Variants in HS6ST3 observed in about 807,000 individuals in gnomAD.
The protein encoded by HS6ST3 is heparan sulfate 6-O-sulfotransferase 3, also known as heparan-sulfate 6-O-sulfotransferase 3.
In HS6ST3, 12 loss-of-function variants were observed where a neutral mutation model predicts 36.7. The observed-to-expected ratio is 0.33, with a 90% confidence interval of 0.21 to 0.53. The LOEUF is 0.53. Ranked by LOEUF, HS6ST3 falls within the 20% of genes least tolerant of loss-of-function variation. The pLI is 0.95. For synonymous variants in HS6ST3, 240 were observed against 257.5 expected, an observed-to-expected ratio of 0.93 and a Z score of 0.65; for missense variants, 584 against 640.9, an observed-to-expected ratio of 0.91 and a Z score of 0.96.
At position 96,235,981 on chromosome 13, in the gene HS6ST3, G is replaced by A. The variant is rs993727609; in HGVS notation, c.707+144412G>A. Among the ~76,000 whole-genome samples the A allele has an allele frequency of 6.6e-5, 10 of 152,286 alleles. No homozygotes were observed. In the East Asian group the frequency reaches 7.7e-4, roughly 12 times the overall value. ...CCAAGCCCCAAAACCTCAGAAGTAC[G>A]GAAGCCAACAGTGCAGCCTTCAGCC... On this transcript the variant is annotated intron_variant, in intron 1 of 1. Coordinates refer to ENST00000376705, the MANE Select transcript of HS6ST3 (RefSeq NM_153456.4).
chr13:96,809,355 T>C (rs1878266939), intron 1 of HS6ST3, among the ~76,000 whole-genome samples: 1 of 152,214 alleles, frequency 6.6e-6, no homozygotes, highest in African/African-American at 2.4e-5. Flanking sequence ...AGAACATTCT[T>C]ATGGATGAAT....
intron 1 of HS6ST3, among the ~76,000 whole-genome samples, chr13:96,654,173 A>G (rs2056616881): frequency 6.6e-6 from 1 of 152,080 alleles, no homozygotes; most frequent in South Asian, 2.1e-4. Context: ...GTTCACTCTG[A>G]TGATAGTTTC....
intron 1 of HS6ST3, among the ~76,000 whole-genome samples, chr13:96,143,921 CA>C: frequency 6.6e-6 from 1 of 152,090 alleles, no homozygotes; most frequent in Non-Finnish European, 1.5e-5. Flanking sequence ...ATGTTTTGCC[CA>C]AAAGCTGTTA....
chr13:96,332,815 G>C (rs1477170907), intron 1 of HS6ST3, among the ~76,000 whole-genome samples: 2 of 152,174 alleles, frequency 1.3e-5, no homozygotes, highest in African/African-American at 4.8e-5. Flanking sequence ...CATTGTCCTG[G>C]ATATTTGTAT....
chr13:96,772,169 A>G (rs910915062), intron 1 of HS6ST3, among the ~76,000 whole-genome samples: 3 of 152,312 alleles, frequency 2.0e-5, no homozygotes, highest in Non-Finnish European at 2.9e-5. Context: ...ATGCATAAAG[A>G]GGAAGTGAAA....
chr13:96,436,727 T>C (rs1175553718), intron 1 of HS6ST3, among the ~76,000 whole-genome samples: 1 of 152,196 alleles, frequency 6.6e-6, no homozygotes, highest in Non-Finnish European at 1.5e-5. Context: ...GGTGGCTGTC[T>C]GCAAGCCAGA....
At chr13:96,267,712 T>C (rs1025710864) in intron 1 of HS6ST3, among the ~76,000 whole-genome samples, 2 of 152,060 alleles carry the variant, frequency 1.3e-5, no homozygotes, top group African/African-American at 2.4e-5. Context: ...TGCTATATTA[T>C]AACATTAGCA....
intron 1 of HS6ST3, among the ~76,000 whole-genome samples, chr13:96,167,622 G>A (rs1006012846): frequency 2.0e-5 from 3 of 152,184 alleles, no homozygotes; most frequent in African/African-American, 4.8e-5. Context: ...CAAATATGAA[G>A]CATCTTGAGG....
At chr13:96,794,610 AT>A (rs1220097744) in intron 1 of HS6ST3, among the ~76,000 whole-genome samples, 3 of 151,898 alleles carry the variant, frequency 2.0e-5, no homozygotes, top group African/African-American at 7.3e-5. Flanking sequence ...TTCCTCCCTC[AT>A]TTTTTGGGCT....
chr13:96,584,438 C>G (rs941382808), intron 1 of HS6ST3, among the ~76,000 whole-genome samples: 4 of 152,196 alleles, frequency 2.6e-5, no homozygotes, highest in Non-Finnish European at 5.9e-5. Context: ...GCCACCACAC[C>G]TAGCCTCAAC....
At chr13:96,490,629 T>G (rs2055940205) in intron 1 of HS6ST3, among the ~76,000 whole-genome samples, 1 of 152,216 alleles carries the variant, frequency 6.6e-6, no homozygotes, top group Non-Finnish European at 1.5e-5. Flanking sequence ...TCTTTCCAAG[T>G]ACTTAACAAT....
chr13:96,628,986 T>C (rs895675382), intron 1 of HS6ST3, among the ~76,000 whole-genome samples: 6 of 152,130 alleles, frequency 3.9e-5, no homozygotes, highest in African/African-American at 1.4e-4. Context: ...TACCTTCAAC[T>C]CTTATTCATT....
intron 1 of HS6ST3, among the ~76,000 whole-genome samples, chr13:96,315,288 C>G (rs541672420): frequency 6.6e-6 from 1 of 152,266 alleles, no homozygotes; most frequent in South Asian, 2.1e-4. Flanking sequence ...AAGAAAGGGA[C>G]TGTAATCATT....
At chr13:96,396,529 T>A (rs544928148) in intron 1 of HS6ST3, among the ~76,000 whole-genome samples, 55 of 152,326 alleles carry the variant, frequency 3.6e-4, no homozygotes, top group African/African-American at 1.3e-3. Flanking sequence ...TGAATTTTAA[T>A]GTTTCCTTGA....
At chr13:96,463,980 A>G (rs1217589755) in intron 1 of HS6ST3, among the ~76,000 whole-genome samples, 1 of 147,546 alleles carries the variant, frequency 6.8e-6, no homozygotes, top group African/African-American at 2.5e-5. Context: ...AAACATTCAT[A>G]TACTACCATT....
intron 1 of HS6ST3, among the ~76,000 whole-genome samples, chr13:96,214,528 C>T (rs2054414604): frequency 6.6e-6 from 1 of 152,184 alleles, no homozygotes; most frequent in African/African-American, 2.4e-5. Flanking sequence ...GGTAAGCTAC[C>T]TGTTCCCCAA....
At chr13:96,797,315 G>A (rs1407460745) in intron 1 of HS6ST3, among the ~76,000 whole-genome samples, 1 of 152,040 alleles carries the variant, frequency 6.6e-6, no homozygotes, top group East Asian at 1.9e-4. Flanking sequence ...CCCAGTAAAC[G>A]GGGTCCTGCT....
At chr13:96,410,176 G>T (rs1052337387) in intron 1 of HS6ST3, among the ~76,000 whole-genome samples, 2 of 151,970 alleles carry the variant, frequency 1.3e-5, no homozygotes, top group Non-Finnish European at 2.9e-5. Context: ...AAGATGCTAC[G>T]CACAAAGTTG....
At position 96,400,791 on chromosome 13, in the gene HS6ST3, C is replaced by A. The variant is rs552537503; in HGVS notation, c.707+309222C>A. ...ATGGTGGTTTGCACAAAATTTGTTTCTTTCCTCACGTCTTAGTCGCTTTAA... is the reference window on the plus strand; with the variant it reads ...ATGGTGGTTTGCACAAAATTTGTTTATTTCCTCACGTCTTAGTCGCTTTAA... On this transcript the variant is annotated intron_variant, in intron 1 of 1. Transcript: ENST00000376705. Among the ~76,000 whole-genome samples, 3 of 152,234 alleles carry A rather than the reference C, an allele frequency of 2.0e-5. No homozygotes were observed. The South Asian group carries it at 6.2e-4, about 32-fold the overall frequency.
Sources: gnomAD v4.1 joint callset for allele counts (sites outside exome capture counted in the v4.1 genomes callset) on GRCh38, gnomAD v4.1.1 for gene constraint, MANE v1.5 for transcripts, NCBI Gene and HGNC (gene_info 2026-07-23, HGNC 2026-07-21) for gene names.